The following RNF13 variants were observed in gnomAD, a reference collection of about 807,000 sequenced individuals.
RNF13 encodes E3 ubiquitin-protein ligase RNF13.
RNF13 carries 19 observed loss-of-function variants against 37.7 expected under a neutral mutation model. The ratio of observed to expected loss-of-function variants is 0.50; its 90% CI spans 0.35 to 0.74. RNF13 has a LOEUF of 0.74. Ranked by LOEUF, RNF13 falls within the 30% of genes least tolerant of loss-of-function variation. RNF13 has a pLI of 0.01. For missense variants in RNF13, 375 were observed against 453.0 expected (o/e 0.83, Z 1.56); for synonymous variants, 144 against 157.8 (o/e 0.91, Z 0.65).
At chr3:149,942,976 G>A (rs1720418393) in intron 8 of RNF13, among the ~76,000 whole-genome samples, 1 of 152,100 alleles carries the variant, frequency 6.6e-6, no homozygotes, top group Non-Finnish European at 1.5e-5. Flanking sequence ...TTAATGTGGT[G>A]TATTAAATAG....
chr3:149,872,077 C>T lies in RNF13; in HGVS notation c.244C>T (p.Pro82Ser). ...KPENACEPIV[P>S]PPVKDNSSGT... ...AGAGAATGCCTGTGAACCCATAGTG[C>T]CTCCACCAGTAAAAGACAATTCATC... The change falls in exon 4 of 10, where the codon CCT becomes TCT. Residue 82 changes from proline (P) to serine (S), a missense_variant. Physicochemically the swap from Pro to Ser is moderately conservative, Grantham distance 74. Transcript: ENST00000392894. 4 of 1,606,876 alleles carry T rather than the reference C, an allele frequency of 2.5e-6. No homozygotes were observed. Among genetic ancestry groups the T allele is most frequent in the South Asian group, 1.1e-5 (1 of 89,916 alleles).
chr3:149,853,996 G>A (rs976890791), intron 3 of RNF13, among the ~76,000 whole-genome samples: 9 of 151,696 alleles, frequency 5.9e-5, no homozygotes, highest in African/African-American at 1.7e-4. Context: ...CACCATGCCC[G>A]GCTAGTTTTT....
chr3:149,952,336 T>C (rs1232477777), intron 8 of RNF13, among the ~76,000 whole-genome samples: 1 of 152,050 alleles, frequency 6.6e-6, no homozygotes, highest in Non-Finnish European at 1.5e-5. Context: ...TAGACTAATC[T>C]AATCAACAAG....
intron 8 of RNF13, among the ~76,000 whole-genome samples, chr3:149,925,082 A>G (rs574484651): frequency 6.6e-6 from 1 of 152,150 alleles, no homozygotes; most frequent in Non-Finnish European, 1.5e-5. Flanking sequence ...AGGAGGAGGT[A>G]TTGGAGCTTT....
At chr3:149,870,302 G>A (rs117037063) in intron 3 of RNF13, among the ~76,000 whole-genome samples, 2 of 151,512 alleles carry the variant, frequency 1.3e-5, no homozygotes, top group African/African-American at 4.8e-5. Flanking sequence ...CGGCAAAATG[G>A]GGGGAGGGGC....
intron 8 of RNF13, among the ~76,000 whole-genome samples, chr3:149,922,611 C>T (rs546457374): frequency 1.3e-5 from 2 of 152,284 alleles, no homozygotes; most frequent in East Asian, 3.9e-4. Flanking sequence ...CAATATAACA[C>T]TGTATAGTGT....
intron 8 of RNF13, among the ~76,000 whole-genome samples, chr3:149,933,507 G>T (rs1461792859): frequency 6.6e-6 from 1 of 151,436 alleles, no homozygotes; most frequent in African/African-American, 2.4e-5. Context: ...AAATGATACT[G>T]ATTTTTGTAT....
intron 1 of RNF13, among the ~76,000 whole-genome samples, chr3:149,833,951 A>G (rs1440591517): frequency 1.3e-5 from 2 of 152,202 alleles, no homozygotes; most frequent in Non-Finnish European, 2.9e-5. Context: ...CACACACAAA[A>G]ATCAGTTGCA....
chr3:149,842,709 C>T (rs1160143892), intron 1 of RNF13, among the ~76,000 whole-genome samples: 1 of 152,136 alleles, frequency 6.6e-6, no homozygotes, highest in Non-Finnish European at 1.5e-5. Flanking sequence ...AATTTCTGTT[C>T]AGCCCATTAA....
chr3:149,875,836 T>C (rs143879745), intron 4 of RNF13, among the ~76,000 whole-genome samples: 228 of 4,652 alleles, frequency 0.049, no homozygotes, highest in African/African-American at 0.22. Context: ...AATACAGCTC[T>C]TTAGAGGAAA....
At chr3:149,903,921 A>G (rs1164461605) in intron 6 of RNF13, among the ~76,000 whole-genome samples, 1 of 151,202 alleles carries the variant, frequency 6.6e-6, no homozygotes, top group East Asian at 1.9e-4. Flanking sequence ...CTATCTATCT[A>G]TCTATATATC....
chr3:149,894,778 C>A (rs895484813), intron 4 of RNF13, among the ~76,000 whole-genome samples: 18 of 152,024 alleles, frequency 1.2e-4, no homozygotes, highest in African/African-American at 4.3e-4. Context: ...TGCTAATAGT[C>A]TAAAGGTCAT....
chr3:149,814,746 GTCAAGCTGGGT>G (rs760691202), intron 1 of RNF13, among the ~76,000 whole-genome samples: 2 of 152,192 alleles, frequency 1.3e-5, no homozygotes, highest in Non-Finnish European at 2.9e-5. Flanking sequence ...AAATTTGGGA[GTCAAGCTGGGT>G]TCAGCTCTGC....
chr3:149,906,645 C>CTTTTTTT (rs35801459), intron 6 of RNF13, among the ~76,000 whole-genome samples: 232 of 79,040 alleles, frequency 2.9e-3, no homozygotes, highest in Non-Finnish European at 3.2e-3. Flanking sequence ...TTCAATTCTG[C>CTTTTTTT]TTTTTTTTTT....
chr3:149,961,061 A>C lies in RNF13; in HGVS notation c.1103A>C (p.Gln368Pro). 1 of 1,613,792 alleles carries C rather than the reference A, an allele frequency of 6.2e-7. No homozygotes were observed. Among genetic ancestry groups the C allele is most frequent in the Non-Finnish European group, 8.5e-7 (1 of 1,179,750 alleles). ...GAACATGATGTCGTGGTCCAGTTGC[A>C]GCCTAATGGTGAACGGGATTACAAC... ...INEHDVVVQL[Q>P]PNGERDYNIA... Residue 368 changes from glutamine (Q) to proline (P), a missense_variant, in exon 10 of 10, where the codon CAG becomes CCG. By Grantham distance (76) the Gln-to-Pro change is moderately conservative. Coordinates refer to ENST00000392894, the MANE Select transcript of RNF13 (RefSeq NM_183381.3).
chr3:149,819,702 C>T (rs889873412), intron 1 of RNF13, among the ~76,000 whole-genome samples: 4 of 152,114 alleles, frequency 2.6e-5, no homozygotes, highest in African/African-American at 4.8e-5. Context: ...TATACAGAGA[C>T]GAGCCAGTTT....
chr3:149,956,081 T>C (rs1052370177), intron 8 of RNF13, among the ~76,000 whole-genome samples: 2 of 151,976 alleles, frequency 1.3e-5, no homozygotes, highest in Non-Finnish European at 1.5e-5. Context: ...TGAGACAGGA[T>C]GTGGGGGTAG....
chr3:149,873,307 A>C (rs978111318), intron 4 of RNF13, among the ~76,000 whole-genome samples: 1 of 152,148 alleles, frequency 6.6e-6, no homozygotes, highest in Admixed American at 6.5e-5. Context: ...TGTTGTTATA[A>C]CTTTCCTTTA....
chr3:149,889,962 A>C (rs1383708353), intron 4 of RNF13, among the ~76,000 whole-genome samples: 3 of 152,212 alleles, frequency 2.0e-5, no homozygotes, highest in African/African-American at 7.2e-5. Context: ...GGCATGAGCT[A>C]TCGCGCCCGG....
Sources: allele counts gnomAD v4.1 joint callset (sites outside exome capture counted in the v4.1 genomes callset), GRCh38; gene constraint gnomAD v4.1.1; transcripts MANE v1.5; gene names NCBI Gene and HGNC (gene_info 2026-07-23, HGNC 2026-07-21).